TRAPPC9: variants seen among roughly 807,000 people sequenced by gnomAD.
The protein encoded by TRAPPC9 is trafficking protein particle complex subunit 9.
A neutral mutation model predicts 124.0 loss-of-function variants in TRAPPC9; 83 were observed. The ratio of observed to expected loss-of-function variants is 0.67; its 90% CI spans 0.56 to 0.80. The LOEUF is 0.80. Among genes scored for constraint, TRAPPC9 ranks in the 30% least tolerant of loss-of-function variants. TRAPPC9 has a pLI of 0.00. For synonymous variants in TRAPPC9, 638 were observed against 617.5 expected, an observed-to-expected ratio of 1.03 and a Z score of -0.49; for missense variants, 1,302 against 1,508.3, an observed-to-expected ratio of 0.86 and a Z score of 2.27.
At chr8:140,137,457 G>C (rs1283166246) in intron 17 of TRAPPC9, among the ~76,000 whole-genome samples, 1 of 151,754 alleles carries the variant, frequency 6.6e-6, no homozygotes, top group Non-Finnish European at 1.5e-5. Flanking sequence ...CTCTGGAGCG[G>C]GTAGTGAGCT....
At position 140,151,879 on chromosome 8, in the gene TRAPPC9, C is replaced by CT. The variant is rs1372633319; in HGVS notation, c.2556+69579dup. Reference sequence around the variant, plus strand: ...ACCACAACCCTAGTTCTCTCTCCTACTTCTAGATGTGATGTCAACTGCCTG... The same window carrying CT: ...ACCACAACCCTAGTTCTCTCTCCTACTTTCTAGATGTGATGTCAACTGCCTG... On this transcript the variant is annotated intron_variant, in intron 17 of 22. Coordinates refer to ENST00000438773, the MANE Select transcript of TRAPPC9 (RefSeq NM_001160372.4). Among the ~76,000 whole-genome samples the CT allele has an allele frequency of 4.6e-5, 7 of 152,338 alleles. No individual in the cohort carries two copies. In the South Asian group the frequency reaches 1.2e-3, roughly 27 times the overall value.
intron 16 of TRAPPC9, among the ~76,000 whole-genome samples, chr8:140,248,342 TC>T (rs1371860503): frequency 6.6e-6 from 1 of 152,240 alleles, no homozygotes; most frequent in East Asian, 1.9e-4. Flanking sequence ...TTATTTGCAC[TC>T]ATCTGCTACT....
intron 19 of TRAPPC9, among the ~76,000 whole-genome samples, chr8:139,916,002 G>A (rs1330793153): frequency 1.3e-5 from 2 of 152,236 alleles, no homozygotes; most frequent in Non-Finnish European, 2.9e-5. Context: ...TTAAATCCTA[G>A]ATGGAGGAAA....
At chr8:139,991,497 T>C (rs1837641198) in intron 18 of TRAPPC9, among the ~76,000 whole-genome samples, 1 of 152,200 alleles carries the variant, frequency 6.6e-6, no homozygotes, top group Non-Finnish European at 1.5e-5. Context: ...ATTTATTCTG[T>C]GTACCTTTCC....
At position 140,353,822 on chromosome 8, in the gene TRAPPC9, G is replaced by GT. The variant is rs529653683; in HGVS notation, c.1495+6227dup. Among the ~76,000 whole-genome samples the GT allele has an allele frequency of 3.7e-3, 565 of 152,336 alleles. 3 individuals carry two copies. The highest frequency in any genetic ancestry group is 0.013 in the African/African-American group (535 of 41,568). ...TCATTCAGCCGGCATTTAAGGACCC[G>GT]TAAGGTACCAGGTGCTGCTCCAGAT... is the stretch of plus-strand genomic sequence containing the variant. On this transcript the variant is annotated intron_variant, in intron 9 of 22. Transcript: ENST00000438773. The surrounding 1 kb of genome is among the most constrained non-coding windows in gnomAD (Gnocchi z 4.2).
rs989023118 is a variant in TRAPPC9, at chr8:140,241,575, G to T, written c.2431+11202C>A. On this transcript the variant is annotated intron_variant, in intron 16 of 22. Coordinates refer to ENST00000438773, the MANE Select transcript of TRAPPC9 (RefSeq NM_001160372.4). This position sits in a 1 kb window ranked among gnomAD's most constrained non-coding sequence, Gnocchi z 5.0. The stretch of plus-strand genomic sequence containing the variant: ...CTGGGCATGGTGGTGTGCGCCTGTA[G>T]TCCCAGCTATTCGGAAGGCTGAGAC... Among the ~76,000 whole-genome samples the T allele has an allele frequency of 1.3e-5, 2 of 151,948 alleles. No individual in the cohort carries two copies. The highest frequency in any genetic ancestry group is 2.9e-5 in the Non-Finnish European group (2 of 68,016).
chr8:139,734,180 G>T (rs902216249), intron 21 of TRAPPC9, among the ~76,000 whole-genome samples: 1 of 152,204 alleles, frequency 6.6e-6, no homozygotes, highest in African/African-American at 2.4e-5. Flanking sequence ...GGGCCTGGCA[G>T]GCAGCAGAGG....
At chr8:139,786,112 G>T (rs1205975021) in intron 21 of TRAPPC9, among the ~76,000 whole-genome samples, 2 of 152,144 alleles carry the variant, frequency 1.3e-5, no homozygotes, top group Non-Finnish European at 2.9e-5. Flanking sequence ...GGAGGCTGAG[G>T]TGGGAGAATC....
At chr8:140,397,932 A>T (rs2069143167) in intron 6 of TRAPPC9, among the ~76,000 whole-genome samples, 187 bp from the exon 7 acceptor site, 1 of 152,218 alleles carries the variant, frequency 6.6e-6, no homozygotes, top group Non-Finnish European at 1.5e-5. Context: ...TTGTACTCCC[A>T]TAATTCCCAC....
chr8:140,098,856 C>T (rs746604175), intron 17 of TRAPPC9: 1 of 151,548 alleles, frequency 6.6e-6, no homozygotes, highest in African/African-American at 2.4e-5. Context: ...GCAGCAATCC[C>T]GCGATCCACA....
intron 18 of TRAPPC9, among the ~76,000 whole-genome samples, chr8:140,017,135 A>G (rs1417741052): frequency 6.6e-6 from 1 of 152,264 alleles, no homozygotes; most frequent in Non-Finnish European, 1.5e-5. Context: ...CAACTTCATC[A>G]ATAAGATACA....
intron 20 of TRAPPC9, among the ~76,000 whole-genome samples, chr8:139,908,283 C>T (rs754628427): frequency 8.5e-5 from 13 of 152,186 alleles, no homozygotes; most frequent in Middle Eastern, 3.2e-3. Flanking sequence ...GTGCTGCTGG[C>T]GCTGAGCTGG....
intron 20 of TRAPPC9, among the ~76,000 whole-genome samples, chr8:139,902,187 G>A (rs1831063680): frequency 6.6e-6 from 1 of 152,208 alleles, no homozygotes. Flanking sequence ...GCCGGGGAAA[G>A]GCCCTTCCCC....
intron 18 of TRAPPC9, among the ~76,000 whole-genome samples, chr8:139,998,988 A>G (rs2131780848): frequency 6.6e-6 from 1 of 152,316 alleles, no homozygotes; most frequent in South Asian, 2.1e-4. Context: ...CAAAGAGATA[A>G]AGTTAAAAGC....
At chr8:140,121,614 G>T (rs187529353) in intron 17 of TRAPPC9, among the ~76,000 whole-genome samples, 1 of 152,288 alleles carries the variant, frequency 6.6e-6, no homozygotes, top group Admixed American at 6.5e-5. Flanking sequence ...AGATTTTCCT[G>T]CCAATGTTAT....
intron 17 of TRAPPC9, among the ~76,000 whole-genome samples, chr8:140,137,099 G>A (rs867521881): frequency 2.4e-4 from 36 of 152,264 alleles, no homozygotes; most frequent in Middle Eastern, 3.4e-3. Flanking sequence ...GGGGAGAGGG[G>A]AAAGGAAGGG....
intron 21 of TRAPPC9, among the ~76,000 whole-genome samples, chr8:139,782,631 T>C (rs1245237024): frequency 5.9e-5 from 9 of 152,210 alleles, no homozygotes; most frequent in Non-Finnish European, 1.0e-4. Flanking sequence ...CAACTGAATA[T>C]CTTGTTTCAA....
intron 18 of TRAPPC9, among the ~76,000 whole-genome samples, chr8:139,996,158 C>CAAAAAAAAAAAAAA: frequency 5.2e-4 from 10 of 19,406 alleles, no homozygotes; most frequent in African/African-American, 1.5e-3. Flanking sequence ...AAAACTTAAG[C>CAAAAAAAAAAAAAA]AAAAAAAAAA....
intron 21 of TRAPPC9, among the ~76,000 whole-genome samples, chr8:139,789,324 C>T (rs1038792648): frequency 6.6e-6 from 1 of 152,194 alleles, no homozygotes; most frequent in African/African-American, 2.4e-5. Context: ...ATTCCATGGT[C>T]TTCCCTGCCC....
Sources: gnomAD v4.1 joint callset for allele counts (sites outside exome capture counted in the v4.1 genomes callset) on GRCh38, gnomAD v4.1.1 for gene constraint, Gnocchi (gnomAD v3.1) non-coding constraint, MANE v1.5 for transcripts, NCBI Gene and HGNC (gene_info 2026-07-23, HGNC 2026-07-21) for gene names.